UNC13C: variants seen among roughly 807,000 people sequenced by gnomAD.
UNC13C encodes protein unc-13 homolog C.
A neutral mutation model predicts 245.4 loss-of-function variants in UNC13C; 174 were observed. The ratio of observed to expected loss-of-function variants is 0.71; its 90% CI spans 0.63 to 0.80. The LOEUF is 0.80. Ranked by LOEUF, UNC13C falls within the 30% of genes least tolerant of loss-of-function variation. The pLI, the probability that UNC13C is intolerant of heterozygous loss-of-function variation, is 0.00. For synonymous variants in UNC13C, 992 were observed against 895.1 expected (o/e 1.11, Z -1.93); for missense variants, 2,829 against 2,602.9 (o/e 1.09, Z -1.89).
intron 30 of UNC13C, among the ~76,000 whole-genome samples, chr15:54,608,443 G>C (rs1280656773): frequency 2.6e-5 from 4 of 152,128 alleles, no homozygotes; most frequent in Non-Finnish European, 5.9e-5. Flanking sequence ...AAATCTTTCA[G>C]ATCACAAAAA....
At chr15:54,170,899 G>T (rs149821694) in intron 4 of UNC13C, among the ~76,000 whole-genome samples, 1 of 152,148 alleles carries the variant, frequency 6.6e-6, no homozygotes, top group African/African-American at 2.4e-5. Context: ...TTCTGTGAGA[G>T]TCTGCGCAAG....
intron 1 of UNC13C, among the ~76,000 whole-genome samples, chr15:53,989,486 C>T (rs760231146): frequency 6.6e-6 from 1 of 151,522 alleles, no homozygotes; most frequent in Non-Finnish European, 1.5e-5. Context: ...AAAACTATAA[C>T]TCCTCTTGTT....
chr15:54,250,796 G>A (rs1284213850), intron 8 of UNC13C, among the ~76,000 whole-genome samples: 1 of 101,976 alleles, frequency 9.8e-6, no homozygotes, highest in African/African-American at 4.2e-5. Context: ...TCACTCTGTC[G>A]CCCCAGCTGG....
chr15:53,873,042 T>C, the UNC13C span, among the ~76,000 whole-genome samples: 1 of 152,186 alleles, frequency 6.6e-6, no homozygotes, highest in Non-Finnish European at 1.5e-5. Context: ...AGCTTCAGGA[T>C]GGGAAGATAT....
intron 21 of UNC13C, 24 bp downstream of exon 21, chr15:54,500,199 A>C: frequency 6.5e-7 from 1 of 1,532,914 alleles, no homozygotes; most frequent in Non-Finnish European, 9.0e-7. Flanking sequence ...ACCTTAAGAA[A>C]GTTCATTGCC....
the UNC13C span, among the ~76,000 whole-genome samples, chr15:53,931,482 T>G: frequency 6.6e-6 from 1 of 152,214 alleles, no homozygotes; most frequent in Non-Finnish European, 1.5e-5. Context: ...TTTGGCTTAT[T>G]AATCATAATG....
intron 2 of UNC13C, among the ~76,000 whole-genome samples, chr15:54,062,340 A>T (rs1215505669): frequency 6.6e-6 from 1 of 151,744 alleles, no homozygotes; most frequent in Non-Finnish European, 1.5e-5. Flanking sequence ...AAAAAAAAAA[A>T]ATCTCCATCC....
intron 19 of UNC13C, among the ~76,000 whole-genome samples, chr15:54,452,908 C>T (rs1429431531): frequency 6.6e-6 from 1 of 152,144 alleles, no homozygotes; most frequent in Non-Finnish European, 1.5e-5. Flanking sequence ...TCACATTTAG[C>T]CCAGGTGGCA....
chr15:54,057,614 A>G (rs1429545504), intron 2 of UNC13C, among the ~76,000 whole-genome samples: 7 of 152,236 alleles, frequency 4.6e-5, no homozygotes, highest in Non-Finnish European at 7.3e-5. Flanking sequence ...AGTGGACCTA[A>G]TAGACATCTA....
intron 10 of UNC13C, among the ~76,000 whole-genome samples, chr15:54,276,021 C>T (rs929710998): frequency 2.0e-5 from 3 of 151,940 alleles, no homozygotes; most frequent in African/African-American, 7.3e-5. Flanking sequence ...AGAATTCAGA[C>T]AGGAATTCTT....
chr15:53,992,337 C>A (rs544090973), intron 1 of UNC13C, among the ~76,000 whole-genome samples: 34 of 152,138 alleles, frequency 2.2e-4, no homozygotes, highest in Admixed American at 2.1e-3. Flanking sequence ...TCTTAACAGA[C>A]CCTGCCATTT....
At chr15:54,525,413 A>C (rs1159317283) in intron 24 of UNC13C, 136 bp from the exon 25 acceptor site, 1 of 127,522 alleles carries the variant, frequency 7.8e-6, no homozygotes, top group Non-Finnish European at 1.6e-5. Flanking sequence ...TTCAAAGACC[A>C]AAAAAAAAAA....
In UNC13C at chr15:54,623,889, G is replaced by T. The variant is rs1900964038; in HGVS notation, c.6294G>T (p.Lys2098Asn). The T allele has an allele frequency of 6.2e-7, 1 of 1,613,088 alleles. No homozygotes were observed. ...TGGGACCCAACCTTGGAGACAAGAA[G>T]AGAAAACAAGGCACAAAAACAAAAA... ...CILGPNLGDK[K>N]RKQGTKTKSN... is the part of the protein sequence containing the mutation. The change falls in exon 32 of 33, where the codon AAG (lysine) becomes AAT (asparagine). Residue 2098 changes from lysine (K) to asparagine (N), a missense_variant. Physicochemically the swap from Lys to Asn is moderately conservative, Grantham distance 94. Transcript: ENST00000260323.
chr15:54,234,518 G>A (rs746903303), intron 4 of UNC13C, among the ~76,000 whole-genome samples: 1 of 152,034 alleles, frequency 6.6e-6, no homozygotes, highest in East Asian at 1.9e-4. Context: ...TTCAGATAAG[G>A]GGAACTTGCG....
At chr15:54,298,296 T>C (rs1269458439) in intron 12 of UNC13C, among the ~76,000 whole-genome samples, 1 of 152,186 alleles carries the variant, frequency 6.6e-6, no homozygotes, top group Non-Finnish European at 1.5e-5. Context: ...TGTAGTAGTT[T>C]GGTATTGCAG....
chr15:54,013,897 G>T lies in UNC13C; in HGVS notation c.994G>T (p.Glu332Ter). ...TTTAAATGTGACTGAAGAAAGATTT[G>T]AATATGTTGAAAGCGTGGTGTACCA... ...RFLNVTEERF[E>*]YVESVVYQIL... The change falls in exon 2 of 33, where the codon GAA becomes TAA. Residue 332 changes from glutamate (E) to a stop codon, truncating the protein, a stop_gained. Coordinates refer to ENST00000260323, the MANE Select transcript of UNC13C (RefSeq NM_001080534.3). LOFTEE classifies it high-confidence loss of function. The T allele has an allele frequency of 6.2e-7, 1 of 1,613,318 alleles. No homozygotes were observed. Among genetic ancestry groups the T allele is most frequent in the South Asian group, 1.1e-5 (1 of 91,012 alleles).
At chr15:54,114,205 A>G (rs138383850) in intron 2 of UNC13C, among the ~76,000 whole-genome samples, 5 of 152,324 alleles carry the variant, frequency 3.3e-5, no homozygotes, top group Middle Eastern at 3.4e-3. Flanking sequence ...AGGACACCCT[A>G]TGATCCCAAT....
At chr15:54,455,164 C>CCTCTCTCTCTCTCTCTCTCTCTCTATCT (rs1891406621) in intron 19 of UNC13C, among the ~76,000 whole-genome samples, 1 of 17,514 alleles carries the variant, frequency 5.7e-5, no homozygotes, top group Non-Finnish European at 1.1e-4. Context: ...GAGTCATATT[C>CCTCTCTCTCTCTCTCTCTCTCTCTATCT]CTCTCTCTCT....
At chr15:54,151,672 G>C (rs1224506327) in intron 4 of UNC13C, among the ~76,000 whole-genome samples, 1 of 152,154 alleles carries the variant, frequency 6.6e-6, no homozygotes, top group East Asian at 1.9e-4. Context: ...CCAAAGTGCT[G>C]GGATGATACG....
Sources: gnomAD v4.1 joint callset for allele counts (sites outside exome capture counted in the v4.1 genomes callset) on GRCh38, gnomAD v4.1.1 for gene constraint, MANE v1.5 for transcripts, NCBI Gene and HGNC (gene_info 2026-07-23, HGNC 2026-07-21) for gene names.